GRIP1: variants seen among roughly 807,000 people sequenced by gnomAD.
GRIP1 encodes glutamate receptor interacting protein 1, also known as glutamate receptor-interacting protein 1.
GRIP1 carries 45 observed loss-of-function variants against 129.9 expected under a neutral mutation model. That is an observed-to-expected ratio of 0.35 (90% CI 0.27 to 0.44). The LOEUF (loss-of-function observed/expected upper bound fraction) is 0.44, where lower values mean the gene tolerates loss of function less well. GRIP1 is among the 20% of genes least tolerant of loss of function. The probability of loss-of-function intolerance (pLI) is 1.00; values close to 1 mark genes in which losing one functional copy is unlikely to be tolerated. For missense variants in GRIP1, 1,196 were observed against 1,396.8 expected (o/e 0.86, Z 2.29); for synonymous variants, 530 against 520.8 (o/e 1.02, Z -0.24).
At chr12:66,977,088 G>C (rs553542463) in intron 1 of GRIP1, among the ~76,000 whole-genome samples, 1 of 152,140 alleles carries the variant, frequency 6.6e-6, no homozygotes, top group African/African-American at 2.4e-5. Flanking sequence ...TAATTACAAG[G>C]AACATCAATG....
intron 1 of GRIP1, among the ~76,000 whole-genome samples, chr12:66,631,345 G>A (rs184947311): frequency 6.6e-6 from 1 of 152,206 alleles, no homozygotes; most frequent in East Asian, 1.9e-4. Context: ...ATTTCTTATT[G>A]ATTTTTGTTT....
At chr12:66,537,710 G>A (rs917418619) in intron 4 of GRIP1, among the ~76,000 whole-genome samples, 2 of 152,104 alleles carry the variant, frequency 1.3e-5, no homozygotes, top group African/African-American at 2.4e-5. Context: ...AAATGGCTTA[G>A]GTGGCAAACA....
chr12:66,458,487 T>A (rs1908121), intron 9 of GRIP1, among the ~76,000 whole-genome samples: 24 of 151,936 alleles, frequency 1.6e-4, no homozygotes, highest in African/African-American at 5.8e-4. Context: ...CAGGTTCAAG[T>A]GATTCTCTCA....
intron 1 of GRIP1, among the ~76,000 whole-genome samples, chr12:66,957,436 A>ATT (rs71088227): frequency 1.3e-5 from 2 of 148,572 alleles, no homozygotes; most frequent in South Asian, 4.2e-4. Context: ...ATATATATAT[A>ATT]TTTCTTTTTT....
At chr12:66,429,911 G>A (rs370670802) in intron 14 of GRIP1, among the ~76,000 whole-genome samples, 125 of 152,250 alleles carry the variant, frequency 8.2e-4, no homozygotes, top group African/African-American at 3.0e-3. Context: ...AGAGGTTGAG[G>A]GAATCAGGGC....
At chr12:66,522,530 T>A (rs2061053669) in intron 5 of GRIP1, among the ~76,000 whole-genome samples, 1 of 152,086 alleles carries the variant, frequency 6.6e-6, no homozygotes, top group Non-Finnish European at 1.5e-5. Flanking sequence ...CAAAAACACA[T>A]CTGTACGTCA....
chr12:67,031,518 A>G (rs779539179), intron 1 of GRIP1, among the ~76,000 whole-genome samples: 43 of 152,190 alleles, frequency 2.8e-4, no homozygotes, highest in Non-Finnish European at 2.9e-4. Flanking sequence ...TGTAATCCTT[A>G]TCACTCTCTT....
intron 7 of GRIP1, among the ~76,000 whole-genome samples, chr12:66,474,125 G>C (rs1362624963): frequency 6.6e-6 from 1 of 152,010 alleles, no homozygotes; most frequent in East Asian, 1.9e-4. Flanking sequence ...AACCAGTTTA[G>C]AGAAGAACAT....
At chr12:67,067,883 C>A (rs2135912540) in intron 1 of GRIP1, among the ~76,000 whole-genome samples, 1 of 152,334 alleles carries the variant, frequency 6.6e-6, no homozygotes, top group Non-Finnish European at 1.5e-5. Flanking sequence ...GCCCACCTAC[C>A]CACGCTGCGC....
chr12:66,760,967 C>A (rs1172875523), intron 1 of GRIP1, among the ~76,000 whole-genome samples: 1 of 151,890 alleles, frequency 6.6e-6, no homozygotes, highest in African/African-American at 2.4e-5. Context: ...GAACCTCCAA[C>A]TTACCACACA....
intron 1 of GRIP1, among the ~76,000 whole-genome samples, chr12:66,747,026 T>C (rs73327093): frequency 0.015 from 2,266 of 152,280 alleles, 60 homozygotes; most frequent in African/African-American, 0.052. Context: ...GTTGAGCTGA[T>C]TAGCTAAGAT....
chr12:66,396,758 C>A (rs190205861), intron 16 of GRIP1, among the ~76,000 whole-genome samples: 4 of 152,226 alleles, frequency 2.6e-5, no homozygotes, highest in Non-Finnish European at 5.9e-5. Flanking sequence ...TAAATTATGA[C>A]AGAAATGGAA....
At chr12:66,620,025 C>T (rs1271045353) in intron 1 of GRIP1, among the ~76,000 whole-genome samples, 3 of 152,258 alleles carry the variant, frequency 2.0e-5, no homozygotes, top group Middle Eastern at 6.8e-3. Context: ...TTTGATGAGT[C>T]GCTATCATCC....
chr12:66,396,998 C>A (rs369221780), intron 16 of GRIP1, among the ~76,000 whole-genome samples: 1 of 145,862 alleles, frequency 6.9e-6, no homozygotes, highest in East Asian at 2.1e-4. Flanking sequence ...GTAGTCCCAG[C>A]TATTTAGAAG....
intron 1 of GRIP1, among the ~76,000 whole-genome samples, chr12:66,947,848 C>G (rs1406072935): frequency 6.6e-6 from 1 of 152,220 alleles, no homozygotes; most frequent in Non-Finnish European, 1.5e-5. Flanking sequence ...GTGACAGGCT[C>G]TTTAAGCAAC....
Position 66,349,158 on chromosome 12 carries a change from C to G in GRIP1, c.3248G>C (p.Ser1083Thr), listed in dbSNP as rs753286689. ...ESGNKLDLVI[S>T]RNPLASQKSI... ...CTTCTGTGAAGCCAGTGGGTTTCTACTAATAACCAGGTCCAGCTTATTCCC... is the reference window on the plus strand; with the variant it reads ...CTTCTGTGAAGCCAGTGGGTTTCTAGTAATAACCAGGTCCAGCTTATTCCC... Residue 1083 changes from serine to threonine, a missense_variant, in exon 25 of 25, where the codon AGT (serine) becomes ACT (threonine). Physicochemically the swap from Ser to Thr is moderately conservative, Grantham distance 58 (BLOSUM62 1). Coordinates refer to ENST00000359742, the MANE Select transcript of GRIP1 (RefSeq NM_001366722.1). 1.9e-6 allele frequency: 3 copies of G among 1,613,788 alleles called. No homozygotes were observed. The African/African-American group carries it at 4.0e-5, about 22-fold the overall frequency.
chr12:67,037,761 C>T (rs974639390), intron 1 of GRIP1, among the ~76,000 whole-genome samples: 5 of 152,096 alleles, frequency 3.3e-5, no homozygotes, highest in Non-Finnish European at 5.9e-5. Flanking sequence ...CATTTGTTCT[C>T]GAGCAAAATG....
chr12:67,031,233 C>T (rs1469319465), intron 1 of GRIP1, among the ~76,000 whole-genome samples: 1 of 152,120 alleles, frequency 6.6e-6, no homozygotes, highest in Non-Finnish European at 1.5e-5. Flanking sequence ...TGGTGAAAGT[C>T]AAAGACTAAA....
At chr12:66,451,408 T>TTTTTTTTTTTTTTG (rs2058800489) in intron 11 of GRIP1, among the ~76,000 whole-genome samples, 1 of 116,694 alleles carries the variant, frequency 8.6e-6, no homozygotes, top group Non-Finnish European at 1.7e-5. Context: ...TTTTTTTTTT[T>TTTTTTTTTTTTTTG]TTTTTTTTTT....
Sources: gnomAD v4.1 joint callset for allele counts (sites outside exome capture counted in the v4.1 genomes callset) on GRCh38, gnomAD v4.1.1 for gene constraint, MANE v1.5 for transcripts, NCBI Gene and HGNC (gene_info 2026-07-23, HGNC 2026-07-21) for gene names.